The following SESTD1 variants were observed in gnomAD, a reference collection of about 807,000 sequenced individuals.
SESTD1 encodes SEC14 domain and spectrin repeat-containing protein 1.
SESTD1 carries 43 observed loss-of-function variants against 101.7 expected under a neutral mutation model. That is an observed-to-expected ratio of 0.42 (90% CI 0.33 to 0.55). SESTD1 has a LOEUF of 0.55. SESTD1 is among the 20% of genes least tolerant of loss of function. The pLI is 0.07. For synonymous variants in SESTD1, 283 were observed against 286.8 expected (o/e 0.99, Z 0.13); for missense variants, 647 against 815.1 (o/e 0.79, Z 2.51).
intron 13 of SESTD1, among the ~76,000 whole-genome samples, chr2:179,120,333 C>T (rs545432120): frequency 2.6e-5 from 4 of 152,222 alleles, no homozygotes; most frequent in Admixed American, 6.5e-5. Context: ...TGGGGCATCC[C>T]GCAGGCGACA....
chr2:179,207,142 T>G (rs1294622829), intron 1 of SESTD1, among the ~76,000 whole-genome samples: 1 of 133,608 alleles, frequency 7.5e-6, no homozygotes, highest in Non-Finnish European at 1.6e-5. Context: ...ATAAAGCTCT[T>G]GGGAGCTCTA....
chr2:179,136,654 T>C (rs1050665283), intron 9 of SESTD1, among the ~76,000 whole-genome samples: 10 of 152,228 alleles, frequency 6.6e-5, no homozygotes, highest in African/African-American at 2.4e-4. Flanking sequence ...CAAATGCATA[T>C]AAAAAATTTC....
At chr2:179,182,957 A>T in intron 3 of SESTD1, 123 bp downstream of exon 3, 2 of 568,666 alleles carry the variant, frequency 3.5e-6, no homozygotes, top group Non-Finnish European at 5.9e-6. Flanking sequence ...TAGTATCTAT[A>T]ATTATAATTT....
At position 179,201,124 on chromosome 2, in the gene SESTD1, A is replaced by G. The variant is rs1217966442; in HGVS notation, c.-25-9258T>C. Among the ~76,000 whole-genome samples the G allele has an allele frequency of 3.7e-5, 5 of 134,890 alleles. 2 individuals are homozygous for G. The highest frequency in any genetic ancestry group is 1.5e-4 in the African/African-American group (5 of 33,918). The allele number at this position is 134,890 out of a possible 152,430, so 88.5% of individuals were successfully genotyped here. A position where few individuals can be genotyped will look rare whatever the true frequency, so the allele number is the denominator to read the frequency against. On this transcript the variant is annotated intron_variant, in intron 1 of 17. Coordinates refer to ENST00000428443, the MANE Select transcript of SESTD1 (RefSeq NM_178123.5). ...AAAAGTGGGCGAAGGACATGAACAG[A>G]CACTTCTCAAAAGAAGACATTAATG...
chr2:179,250,403 T>C (rs1261702015), intron 1 of SESTD1, among the ~76,000 whole-genome samples: 1 of 152,246 alleles, frequency 6.6e-6, no homozygotes, highest in Non-Finnish European at 1.5e-5. Flanking sequence ...TCACTCATTG[T>C]ATTATTCTCC....
intron 9 of SESTD1, 91 bp downstream of exon 9, chr2:179,143,501 T>C (rs1046019904): frequency 1.8e-6 from 2 of 1,091,894 alleles, no homozygotes; most frequent in Non-Finnish European, 2.7e-6. Flanking sequence ...TAAGGTTTTC[T>C]ATATAGTGTA....
chr2:179,253,872 C>A (rs571486996), intron 1 of SESTD1, among the ~76,000 whole-genome samples: 1 of 151,888 alleles, frequency 6.6e-6, no homozygotes, highest in Non-Finnish European at 1.5e-5. Flanking sequence ...CTGAAGCAAG[C>A]GGATCTGCTT....
At chr2:179,181,637 G>C (rs1186896441) in intron 3 of SESTD1, among the ~76,000 whole-genome samples, 1 of 152,166 alleles carries the variant, frequency 6.6e-6, no homozygotes, top group African/African-American at 2.4e-5. Flanking sequence ...CTCACTAGGT[G>C]TGAGATCTTG....
chr2:179,259,487 C>CA (rs1447529996), intron 1 of SESTD1, among the ~76,000 whole-genome samples: 2 of 152,152 alleles, frequency 1.3e-5, no homozygotes, highest in Non-Finnish European at 2.9e-5. Flanking sequence ...CTCAGCCTCT[C>CA]AAAGTGCTGG....
chr2:179,164,035 C>T (rs1431331558), intron 5 of SESTD1, among the ~76,000 whole-genome samples: 1 of 152,088 alleles, frequency 6.6e-6, no homozygotes, highest in East Asian at 1.9e-4. Flanking sequence ...TAAGAATGTG[C>T]GTGCAAGATC....
chr2:179,221,369 T>G (rs539867115), intron 1 of SESTD1, among the ~76,000 whole-genome samples: 1 of 151,220 alleles, frequency 6.6e-6, no homozygotes, highest in African/African-American at 2.4e-5. Flanking sequence ...TCCTAGCACT[T>G]TGGGAGGCCG....
intron 1 of SESTD1, among the ~76,000 whole-genome samples, chr2:179,251,185 A>T (rs1007524508): frequency 1.3e-5 from 2 of 152,206 alleles, no homozygotes; most frequent in Non-Finnish European, 2.9e-5. Context: ...ATACAATAAG[A>T]TCCCATTTAT....
At chr2:179,177,878 A>C (rs1045827758) in intron 3 of SESTD1, among the ~76,000 whole-genome samples, 4 of 152,230 alleles carry the variant, frequency 2.6e-5, no homozygotes, top group Admixed American at 2.0e-4. Flanking sequence ...AAAAAGAATG[A>C]AGTACTGACA....
chr2:179,250,031 T>C (rs890209113), intron 1 of SESTD1, among the ~76,000 whole-genome samples: 1 of 152,050 alleles, frequency 6.6e-6, no homozygotes, highest in Non-Finnish European at 1.5e-5. Flanking sequence ...TGAAATTTCA[T>C]CAAAATTAAA....
chr2:179,229,501 A>G (rs1296646732), intron 1 of SESTD1, among the ~76,000 whole-genome samples: 1 of 151,976 alleles, frequency 6.6e-6, no homozygotes, highest in Non-Finnish European at 1.5e-5. Flanking sequence ...TACATGAGCC[A>G]GTTTCTTACA....
intron 9 of SESTD1, among the ~76,000 whole-genome samples, chr2:179,133,204 G>GCAGATATGGGAGACA (rs1461851999): frequency 6.6e-6 from 1 of 151,932 alleles, no homozygotes; most frequent in East Asian, 1.9e-4. Flanking sequence ...TCAGTATGGG[G>GCAGATATGGGAGACA]CAGATATGGG....
intron 14 of SESTD1, 44 bp from the exon 15 acceptor site, chr2:179,116,834 TACTTA>T (rs1486286883): frequency 6.3e-7 from 1 of 1,592,830 alleles, no homozygotes; most frequent in Admixed American, 1.7e-5. Context: ...CAGAACTCTT[TACTTA>T]TTGTATCAAA....
At chr2:179,167,327 C>T (rs1372160722) in intron 5 of SESTD1, among the ~76,000 whole-genome samples, 1 of 151,996 alleles carries the variant, frequency 6.6e-6, no homozygotes, top group African/African-American at 2.4e-5. Flanking sequence ...AATACCTAAA[C>T]TGAAACACAA....
At chr2:179,113,203 A>G (rs539608511) in intron 16 of SESTD1, among the ~76,000 whole-genome samples, 7 of 152,352 alleles carry the variant, frequency 4.6e-5, no homozygotes, top group African/African-American at 1.7e-4. Context: ...TTAAGTAACC[A>G]TTTATTGAAC....
Sources: allele counts gnomAD v4.1 joint callset (sites outside exome capture counted in the v4.1 genomes callset), GRCh38; gene constraint gnomAD v4.1.1; transcripts MANE v1.5; gene names NCBI Gene and HGNC (gene_info 2026-07-23, HGNC 2026-07-21).